The following MYO1C variants were observed in gnomAD, a reference collection of about 807,000 sequenced individuals.
MYO1C encodes the protein unconventional myosin-Ic.
In MYO1C, 104 loss-of-function variants were observed where a neutral mutation model predicts 150.8. The ratio of observed to expected loss-of-function variants is 0.69; its 90% CI spans 0.59 to 0.81. The LOEUF is 0.81. MYO1C is among the 30% of genes least tolerant of loss of function. The pLI is 0.00. For synonymous variants in MYO1C, 663 were observed against 579.9 expected, an observed-to-expected ratio of 1.14 and a Z score of -2.06; for missense variants, 1,504 against 1,435.0, an observed-to-expected ratio of 1.05 and a Z score of -0.78.
At chr17:1,466,955 G>A (rs2074185255) in intron 31 of MYO1C, among the ~76,000 whole-genome samples, 1 of 151,206 alleles carries the variant, frequency 6.6e-6, no homozygotes, top group African/African-American at 2.4e-5. Flanking sequence ...GATGGGTTTT[G>A]CCATGTTGGC....
At chr17:1,491,731 A>G in intron 1 of MYO1C, 1 of 811,778 alleles carries the variant, frequency 1.2e-6, no homozygotes, top group Non-Finnish European at 1.5e-6. Context: ...CATCCCGGGC[A>G]GGGCCGCGCA....
In MYO1C at chr17:1,470,643, T is replaced by C. The variant is rs1156445845; in HGVS notation, c.2259A>G (p.Lys753=). The change falls in exon 22 of 32, where the codon AAA becomes AAG. Residue 753 remains lysine (K), a synonymous_variant. Coordinates refer to ENST00000648651, the MANE Select transcript of MYO1C (RefSeq NM_001080779.2). ...AACCTGATCTCTTCACCCGGAGGAATTTCTGCCGCCAGTGAAAGCCCCTCC... is the reference window on the plus strand; with the variant it reads ...AACCTGATCTCTTCACCCGGAGGAACTTCTGCCGCCAGTGAAAGCCCCTCC... ...AAWRGFHWRQ[K]FLRVKRSAIC... 1.9e-6 allele frequency: 3 copies of C among 1,604,002 alleles called. No individual in the cohort carries two copies. The highest frequency in any genetic ancestry group is 2.3e-5 in the East Asian group (1 of 44,404).
chr17:1,484,539 C>A (rs566719783), intron 1 of MYO1C: 7 of 607,360 alleles, frequency 1.2e-5, no homozygotes, highest in African/African-American at 1.1e-4. Flanking sequence ...GAGGGATCAC[C>A]GAGGCTGCGG....
At chr17:1,489,533 G>C (rs1419898213) in intron 1 of MYO1C, among the ~76,000 whole-genome samples, 1 of 152,024 alleles carries the variant, frequency 6.6e-6, no homozygotes, top group Non-Finnish European at 1.5e-5. Flanking sequence ...TTTTTAAAAA[G>C]TTAGCCAGGC....
chr17:1,469,283 G>A (rs2074245793), intron 25 of MYO1C: 1 of 542,164 alleles, frequency 1.8e-6, no homozygotes, highest in Admixed American at 2.7e-5. Context: ...AAATAGAGTA[G>A]ACTGGGGTAA....
chr17:1,467,111 G>A (rs1479093116), intron 31 of MYO1C, 131 bp downstream of exon 31: 1 of 877,022 alleles, frequency 1.1e-6, no homozygotes, highest in South Asian at 1.4e-5. Flanking sequence ...GGTGGGCCAA[G>A]GGATGGAAGA....
chr17:1,492,316 G>A, intron 1 of MYO1C, 97 bp downstream of exon 1: 3 of 1,246,680 alleles, frequency 2.4e-6, no homozygotes, highest in Non-Finnish European at 2.3e-6. Flanking sequence ...ACCCCTCCCC[G>A]CTGCTCAGCT....
intron 1 of MYO1C, chr17:1,485,803 G>GCCCCCCGCACCGC (rs1258871384): frequency 3.3e-5 from 25 of 766,136 alleles, no homozygotes; most frequent in Middle Eastern, 6.2e-4. Flanking sequence ...GGGAGGGCCC[G>GCCCCCCGCACCGC]CCCCCCGCAC....
intron 25 of MYO1C, 159 bp downstream of exon 25, chr17:1,469,372 A>G (rs79776316): frequency 6.8e-5 from 40 of 589,758 alleles, no homozygotes; most frequent in Non-Finnish European, 1.0e-4. Context: ...GGGTAAATAG[A>G]GTAGACCAGG....
rs1555521529 is a variant in MYO1C, at chr17:1,479,249, TC to T, written c.1092+181del. Among the ~76,000 whole-genome samples, 1 of 152,152 alleles carries T rather than the reference TC, an allele frequency of 6.6e-6. No homozygotes were observed. Among genetic ancestry groups the T allele is most frequent in the Non-Finnish European group, 1.5e-5 (1 of 68,034 alleles). ...CTCAGGTGACCTGCCCACCTCAGCC[TC>T]CCCAAGTGCTGGGGTTACAGGCGTG... is the stretch of plus-strand genomic sequence containing the variant. On this transcript the variant is annotated intron_variant, in intron 9 of 31. Coordinates refer to ENST00000648651, the MANE Select transcript of MYO1C (RefSeq NM_001080779.2). The surrounding 1 kb of genome is among the most constrained non-coding windows in gnomAD (Gnocchi z 4.2).
In MYO1C at chr17:1,479,051, T is replaced by C. The variant is rs1303023870; in HGVS notation, c.1093-316A>G. 1.3e-5 allele frequency among the ~76,000 whole-genome samples: 2 copies of C among 152,104 alleles called. No individual in the cohort carries two copies. The highest frequency in any genetic ancestry group is 2.9e-5 in the Non-Finnish European group (2 of 67,998). ...TTTTTTGAGACAGAGTCTAGCTCTG[T>C]TGCCGTGATCTCGGCTCACTGCAAC... is the stretch of plus-strand genomic sequence containing the variant. On this transcript the variant is annotated intron_variant, in intron 9 of 31. Transcript: ENST00000648651. This position sits in a 1 kb window ranked among gnomAD's most constrained non-coding sequence, Gnocchi z 4.2.
chr17:1,478,686 A>T lies in MYO1C; in HGVS notation c.1142T>A (p.Leu381His). ...AGTGCGGCTGTACACAGCCTTGGCG[A>T]GGGCGTCTCGTGCGTACGCGGCCTG... is the stretch of plus-strand genomic sequence containing the variant. ...LEQAAYARDA[L>H]AKAVYSRTFT... Residue 381 changes from leucine (L) to histidine (H), a missense_variant, in exon 10 of 32, where the codon CTC becomes CAC. By Grantham distance (99) the Leu-to-His change is moderately conservative (BLOSUM62 -3). Transcript: ENST00000648651. This position sits in a 1 kb window ranked among gnomAD's most constrained non-coding sequence, Gnocchi z 6.3. 6.2e-7 allele frequency: 1 copy of T among 1,614,154 alleles called. No individual in the cohort carries two copies.
In MYO1C at chr17:1,482,980, C is replaced by T. The variant is rs755704168; in HGVS notation, c.427G>A (p.Gly143Arg). 13 of 1,612,606 alleles carry T rather than the reference C, an allele frequency of 8.1e-6. No homozygotes were observed. The highest frequency in any genetic ancestry group is 1.7e-5 in the Admixed American group (1 of 59,984). ...TTGGTGGCCTCGGTCTTGCCTGCCCCGCTCTCCCCAGAGATCATCACAGCC... is the reference window on the plus strand; with the variant it reads ...TTGGTGGCCTCGGTCTTGCCTGCCCTGCTCTCCCCAGAGATCATCACAGCC... ...DQAVMISGES[G>R]AGKTEATKRL... is the part of the protein sequence containing the mutation. The change falls in exon 4 of 32, where the codon GGG becomes AGG. Residue 143 changes from glycine (G) to arginine (R), a missense_variant. Coordinates refer to ENST00000648651, the MANE Select transcript of MYO1C (RefSeq NM_001080779.2).
At position 1,480,859 on chromosome 17, in the gene MYO1C, G is replaced by C. The variant is rs555285653; in HGVS notation, c.654C>G (p.Leu218=). 20 of 1,614,046 alleles carry C rather than the reference G, an allele frequency of 1.2e-5. No homozygotes were observed. In the African/African-American group the frequency reaches 2.7e-4, roughly 22 times the overall value. The change falls in exon 6 of 32, where the codon CTC becomes CTG. Residue 218 remains leucine (L), a synonymous_variant. Coordinates refer to ENST00000648651, the MANE Select transcript of MYO1C (RefSeq NM_001080779.2). ...CTCGTGACTTTTCCAGGAGGTAACT[G>C]AGGATGTGGCCACCCACGGGGGCAC... The part of the protein sequence containing the change: ...FKGAPVGGHI[L]SYLLEKSRVV...
At chr17:1,491,042 C>G (rs1156478955) in intron 1 of MYO1C, 1 of 152,174 alleles carries the variant, frequency 6.6e-6, no homozygotes, top group Non-Finnish European at 1.5e-5. Context: ...TTGTCAGTCC[C>G]TCCCAGGAGA....
rs1352761705 is a variant in MYO1C, at chr17:1,465,370, T to C, written c.*356A>G. 1 of 184,678 alleles carries C rather than the reference T, an allele frequency of 5.4e-6. No homozygotes were observed. The highest frequency in any genetic ancestry group is 1.3e-4 in the East Asian group (1 of 7,972). The allele number at this position is 184,678 out of a possible 1,614,324, so 11.4% of individuals were successfully genotyped here. On this transcript the variant is annotated 3_prime_UTR_variant, in exon 32 of 32. Transcript: ENST00000648651. ...AGGGAAAACACATCCACTGTGTCCT[T>C]GGGTGGGAAATGGCTTTTTTTAAAA...
intron 1 of MYO1C, chr17:1,485,191 G>A (rs1462218215): frequency 5.1e-6 from 6 of 1,185,700 alleles, no homozygotes; most frequent in Admixed American, 3.8e-5. Context: ...CAAGACCCTC[G>A]CCCCACAACC....
chr17:1,481,911 T>C (rs2074530905), intron 5 of MYO1C, among the ~76,000 whole-genome samples: 1 of 152,038 alleles, frequency 6.6e-6, no homozygotes, highest in African/African-American at 2.4e-5. Flanking sequence ...CCTGCTCTCT[T>C]CTCTGGCCGC....
intron 1 of MYO1C, among the ~76,000 whole-genome samples, chr17:1,489,694 C>T (rs1203638132): frequency 6.6e-6 from 1 of 151,240 alleles, no homozygotes; most frequent in Non-Finnish European, 1.5e-5. Flanking sequence ...AACAAAGAAA[C>T]AAAGCAATAA....
Sources: gnomAD v4.1 joint callset for allele counts (sites outside exome capture counted in the v4.1 genomes callset) on GRCh38, gnomAD v4.1.1 for gene constraint, Gnocchi (gnomAD v3.1) non-coding constraint, MANE v1.5 for transcripts, NCBI Gene and HGNC (gene_info 2026-07-23, HGNC 2026-07-21) for gene names.